Variants in USP47 observed in about 807,000 individuals in gnomAD.
USP47 encodes the protein ubiquitin carboxyl-terminal hydrolase 47.
USP47 carries 35 observed loss-of-function variants against 165.1 expected under a neutral mutation model. That is an observed-to-expected ratio of 0.21 (90% CI 0.16 to 0.28). The LOEUF (loss-of-function observed/expected upper bound fraction) is 0.28. Ranked by LOEUF, USP47 falls within the 10% of genes least tolerant of loss-of-function variation. USP47 has a pLI of 1.00. For synonymous variants in USP47, 531 were observed against 544.5 expected, an observed-to-expected ratio of 0.98 and a Z score of 0.35; for missense variants, 1,277 against 1,607.4, an observed-to-expected ratio of 0.79 and a Z score of 3.52.
rs145403598 is a variant in USP47 at position 11,896,001 on chromosome 11, C to T, written c.497-1596C>T. Reference sequence around the variant, plus strand: ...GCCATTTGAAGTTTGTTGATTTAGACAATGCATAATGAGAAAGGTTTCTGT... The same window carrying T: ...GCCATTTGAAGTTTGTTGATTTAGATAATGCATAATGAGAAAGGTTTCTGT... On this transcript the variant is annotated intron_variant, in intron 4 of 27. Transcript: ENST00000527733. Among the ~76,000 whole-genome samples, 755 of 152,250 alleles carry T rather than the reference C, an allele frequency of 5.0e-3. 6 individuals carry two copies. The highest frequency in any genetic ancestry group is 0.014 in the Middle Eastern group (4 of 294).
Position 11,958,528 on chromosome 11 carries a change from G to A in USP47, c.*2353G>A, listed in dbSNP as rs368028997. On this transcript the variant is annotated 3_prime_UTR_variant, in exon 28 of 28. Coordinates refer to ENST00000527733, the MANE Select transcript of USP47 (RefSeq NM_001282659.2). ...GATGTGGATCAAGTTTCCTGAGCCCGGGGGCGGTGGAGCCTCATGATCTCT... is the reference window on the plus strand; with the variant it reads ...GATGTGGATCAAGTTTCCTGAGCCCAGGGGCGGTGGAGCCTCATGATCTCT... 5.3e-5 allele frequency: 8 copies of A among 152,134 alleles called. No homozygotes were observed. Among genetic ancestry groups the A allele is most frequent in the Non-Finnish European group, 1.0e-4 (7 of 68,032 alleles). The allele number at this position is 152,134 out of a possible 1,614,324, so 9.4% of individuals were successfully genotyped here.
chr11:11,888,033 A>C (rs949012558), intron 3 of USP47, among the ~76,000 whole-genome samples: 1 of 152,196 alleles, frequency 6.6e-6, no homozygotes, highest in Non-Finnish European at 1.5e-5. Context: ...AAGAGATAAC[A>C]TACCAGAATT....
intron 16 of USP47, 51 bp downstream of exon 16, chr11:11,933,986 CAT>C: frequency 8.3e-6 from 11 of 1,329,092 alleles, no homozygotes; most frequent in Non-Finnish European, 1.2e-5. Context: ...ACAGTATTAA[CAT>C]AATTTCCCAA....
chr11:11,911,597 C>G (rs1852992586), intron 8 of USP47, among the ~76,000 whole-genome samples: 1 of 151,572 alleles, frequency 6.6e-6, no homozygotes, highest in East Asian at 1.9e-4. Flanking sequence ...ACACAGCTGC[C>G]AAAATACATG....
chr11:11,866,237 C>T (rs1233743762), intron 1 of USP47, among the ~76,000 whole-genome samples: 5 of 152,104 alleles, frequency 3.3e-5, no homozygotes, highest in Admixed American at 6.5e-5. Flanking sequence ...ATAAAAGCTT[C>T]ATGACCAAAG....
rs991318022 is a variant in USP47, at chr11:11,960,252, C to T, written c.*4077C>T. On this transcript the variant is annotated 3_prime_UTR_variant, in exon 28 of 28. Transcript: ENST00000527733. ...TGGTGGTGGAAGAGGCCAGGAAGAG[C>T]GGGGGGAAGACATGTGCTAACCACT... Among the ~76,000 whole-genome samples the T allele has an allele frequency of 2.0e-5, 3 of 152,136 alleles. No individual in the cohort carries two copies. The highest frequency in any genetic ancestry group is 4.8e-5 in the African/African-American group (2 of 41,430).
intron 16 of USP47, among the ~76,000 whole-genome samples, chr11:11,934,571 A>G (rs926966007): frequency 1.3e-5 from 2 of 152,144 alleles, no homozygotes; most frequent in Admixed American, 6.6e-5. Flanking sequence ...AGTGAACAGC[A>G]TGTGCAAAAG....
chr11:11,913,258 CAAAAAAAAA>C (rs796881838), intron 8 of USP47, among the ~76,000 whole-genome samples: 1 of 79,298 alleles, frequency 1.3e-5, no homozygotes, highest in Non-Finnish European at 2.5e-5. Context: ...ATCCCTTGTA[CAAAAAAAAA>C]AAAAAAAAAA....
chr11:11,852,340 T>C (rs531028011), intron 1 of USP47, among the ~76,000 whole-genome samples: 3 of 152,334 alleles, frequency 2.0e-5, no homozygotes, highest in South Asian at 2.1e-4. Flanking sequence ...TATGGACTTA[T>C]GGATATTTAT....
intron 1 of USP47, among the ~76,000 whole-genome samples, chr11:11,846,169 A>G (rs890972757): frequency 2.6e-5 from 4 of 152,134 alleles, no homozygotes; most frequent in African/African-American, 9.7e-5. Context: ...TTTGAATTGT[A>G]GTATATTGAT....
chr11:11,907,010 CAT>C (rs1187649372), intron 8 of USP47, among the ~76,000 whole-genome samples: 1 of 151,984 alleles, frequency 6.6e-6, no homozygotes, highest in Non-Finnish European at 1.5e-5. Context: ...TAGTTTTTAA[CAT>C]ATTAATTGAA....
chr11:11,889,343 GA>G (rs1206881076), intron 3 of USP47, among the ~76,000 whole-genome samples: 8 of 152,144 alleles, frequency 5.3e-5, no homozygotes, highest in African/African-American at 1.9e-4. Flanking sequence ...AGCTTAAGCT[GA>G]TAAGCAACTT....
intron 7 of USP47, among the ~76,000 whole-genome samples, chr11:11,904,890 G>A (rs1467719367): frequency 6.6e-6 from 1 of 151,994 alleles, no homozygotes; most frequent in Non-Finnish European, 1.5e-5. Context: ...AGTTTGATTT[G>A]CATCTTGAGC....
At chr11:11,920,540 T>G (rs1853759050) in intron 10 of USP47, 46 bp downstream of exon 10, 6 of 1,538,622 alleles carry the variant, frequency 3.9e-6, no homozygotes, top group Non-Finnish European at 5.3e-6. Context: ...TCCACATTAG[T>G]CAGTCATGGT....
Position 11,952,814 on chromosome 11 carries a change from G to A in USP47, c.3657G>A (p.Leu1219=). 6.2e-7 allele frequency: 1 copy of A among 1,613,032 alleles called. No individual in the cohort carries two copies. The highest frequency in any genetic ancestry group is 8.5e-7 in the Non-Finnish European group (1 of 1,179,392). ...SRRWKPSEMK[L]DPFQEVVLES... is the part of the protein sequence containing the mutation. Reference sequence around the variant, plus strand: ...GGTGGAAGCCTTCAGAGATGAAGTTGGATCCCTTCCAGGAGGTTGTATTGG... The same window carrying A: ...GGTGGAAGCCTTCAGAGATGAAGTTAGATCCCTTCCAGGAGGTTGTATTGG... Residue 1219 remains leucine, a synonymous_variant, in exon 25 of 28, where the codon TTG becomes TTA. Coordinates refer to ENST00000527733, the MANE Select transcript of USP47 (RefSeq NM_001282659.2).
intron 1 of USP47, among the ~76,000 whole-genome samples, chr11:11,873,582 G>A (rs1032085807): frequency 6.6e-6 from 1 of 151,830 alleles, no homozygotes; most frequent in African/African-American, 2.4e-5. Context: ...TATTAAAATG[G>A]CTATTTCCAT....
chr11:11,926,635 T>C (rs1854268311), intron 11 of USP47, among the ~76,000 whole-genome samples: 2 of 151,968 alleles, frequency 1.3e-5, no homozygotes, highest in African/African-American at 2.4e-5. Flanking sequence ...GTTTCATTTT[T>C]TTTTCCTATT....
intron 16 of USP47, among the ~76,000 whole-genome samples, chr11:11,934,419 T>C (rs893462318): frequency 5.9e-5 from 9 of 152,066 alleles, no homozygotes; most frequent in Non-Finnish European, 5.9e-5. Flanking sequence ...TAGTAGTAAA[T>C]TGAGAAAATT....
In USP47 at chr11:11,911,027, CAGTT is replaced by C. The variant is rs144021024; in HGVS notation, c.969+5482_969+5485del. ...GAAAACAATGAAAATTTTAGGGAAT[CAGTT>C]AGAGATACAAAGAAATGAAAATTTG... On this transcript the variant is annotated intron_variant, in intron 8 of 27. Transcript: ENST00000527733. 3.0e-3 allele frequency among the ~76,000 whole-genome samples: 461 copies of C among 152,140 alleles called. 4 individuals are homozygous for C. The highest frequency in any genetic ancestry group is 0.011 in the African/African-American group (443 of 41,498).
Sources: allele counts gnomAD v4.1 joint callset (sites outside exome capture counted in the v4.1 genomes callset), GRCh38; gene constraint gnomAD v4.1.1; transcripts MANE v1.5; gene names NCBI Gene and HGNC (gene_info 2026-07-23, HGNC 2026-07-21).